NYAP2: variants seen among roughly 807,000 people sequenced by gnomAD.
The protein encoded by NYAP2 is neuronal tyrosine-phosphorylated phosphoinositide-3-kinase adaptor 2.
NYAP2 carries 23 observed loss-of-function variants against 50.4 expected under a neutral mutation model. The ratio of observed to expected loss-of-function variants is 0.46; its 90% CI spans 0.33 to 0.65. The LOEUF (loss-of-function observed/expected upper bound fraction) is 0.65. NYAP2 is among the 30% of genes least tolerant of loss of function. The pLI is 0.02. For synonymous variants in NYAP2, 394 were observed against 365.2 expected, an observed-to-expected ratio of 1.08 and a Z score of -0.90; for missense variants, 885 against 861.0, an observed-to-expected ratio of 1.03 and a Z score of -0.35.
chr2:225,568,636 G>T (rs904287351), intron 4 of NYAP2, among the ~76,000 whole-genome samples: 9 of 152,200 alleles, frequency 5.9e-5, no homozygotes, highest in African/African-American at 2.2e-4. Context: ...CTAAGATCAA[G>T]ACAGACAAGG....
the NYAP2 span, among the ~76,000 whole-genome samples, chr2:225,660,883 G>C: frequency 1.3e-5 from 2 of 151,922 alleles, no homozygotes; most frequent in Admixed American, 6.6e-5. Flanking sequence ...ATAATACTTA[G>C]GGGAAAAATG....
intron 3 of NYAP2, among the ~76,000 whole-genome samples, chr2:225,423,184 T>C (rs919309047): frequency 6.6e-6 from 1 of 152,150 alleles, no homozygotes; most frequent in Admixed American, 6.5e-5. Flanking sequence ...AGTTATATGA[T>C]TGCATTAAAG....
At chr2:225,463,391 C>T (rs867712805) in intron 3 of NYAP2, among the ~76,000 whole-genome samples, 2 of 152,228 alleles carry the variant, frequency 1.3e-5, no homozygotes, top group East Asian at 1.9e-4. Flanking sequence ...TGTGTTTTCT[C>T]GTATTTGTAA....
intron 5 of NYAP2, among the ~76,000 whole-genome samples, chr2:225,591,118 G>T (rs556283128): frequency 1.3e-5 from 2 of 152,174 alleles, no homozygotes; most frequent in African/African-American, 4.8e-5. Flanking sequence ...AGAGCATGGC[G>T]GGCCCTCCAG....
chr2:225,458,171 C>G (rs1387767640), intron 3 of NYAP2, among the ~76,000 whole-genome samples: 1 of 151,884 alleles, frequency 6.6e-6, no homozygotes, highest in African/African-American at 2.4e-5. Flanking sequence ...TAAAATGAAT[C>G]TCTTTTGTAT....
intron 5 of NYAP2, among the ~76,000 whole-genome samples, chr2:225,606,048 A>G (rs560995719): frequency 6.6e-6 from 1 of 152,282 alleles, no homozygotes; most frequent in African/African-American, 2.4e-5. Flanking sequence ...CAAGAACAGG[A>G]ACATCTAATA....
At chr2:225,476,833 AT>A (rs1226780493) in intron 3 of NYAP2, among the ~76,000 whole-genome samples, 2 of 152,214 alleles carry the variant, frequency 1.3e-5, no homozygotes, top group African/African-American at 4.8e-5. Context: ...GAATATAATA[AT>A]TATAAAGTGA....
intron 3 of NYAP2, among the ~76,000 whole-genome samples, chr2:225,483,680 C>T (rs546268200): frequency 8.5e-5 from 13 of 152,160 alleles, no homozygotes; most frequent in Admixed American, 4.6e-4. Flanking sequence ...AATATTTGTT[C>T]GTTTTCAGTT....
intron 3 of NYAP2, among the ~76,000 whole-genome samples, chr2:225,411,391 G>A (rs1032302416): frequency 6.6e-6 from 1 of 152,110 alleles, no homozygotes; most frequent in Non-Finnish European, 1.5e-5. Flanking sequence ...AGACTAAAAG[G>A]GGAGCAGGTT....
chr2:225,615,549 C>A (rs952426067), intron 5 of NYAP2, among the ~76,000 whole-genome samples: 20 of 152,104 alleles, frequency 1.3e-4, no homozygotes, highest in African/African-American at 4.6e-4. Context: ...TTATTATTTG[C>A]AACTATTTTA....
chr2:225,413,749 A>C (rs954895020), intron 3 of NYAP2, among the ~76,000 whole-genome samples: 1 of 152,174 alleles, frequency 6.6e-6, no homozygotes, highest in African/African-American at 2.4e-5. Flanking sequence ...AGAGAATTCA[A>C]TGAGGCTTTA....
At chr2:225,463,901 C>CA (rs144669128) in intron 3 of NYAP2, among the ~76,000 whole-genome samples, 21,552 of 152,102 alleles carry the variant, frequency 0.14, 2,342 homozygotes, top group African/African-American at 0.31. Flanking sequence ...ATCCTGGTTA[C>CA]CCTCTGGAGC....
intron 6 of NYAP2, among the ~76,000 whole-genome samples, chr2:225,639,874 A>C (rs1203825410): frequency 6.6e-6 from 1 of 152,134 alleles, no homozygotes; most frequent in Non-Finnish European, 1.5e-5. Flanking sequence ...TGAGCTCTCA[A>C]GGTGAGTTAG....
intron 3 of NYAP2, among the ~76,000 whole-genome samples, chr2:225,414,124 A>G (rs540933703): frequency 6.6e-6 from 1 of 152,300 alleles, no homozygotes; most frequent in African/African-American, 2.4e-5. Context: ...TCTGAGCCCA[A>G]TTCCTTATTT....
the NYAP2 span, among the ~76,000 whole-genome samples, chr2:225,681,297 C>A: frequency 6.6e-6 from 1 of 152,100 alleles, no homozygotes; most frequent in Admixed American, 6.6e-5. Flanking sequence ...ATCTGTCTAT[C>A]CTAAGAGAGA....
At position 225,582,368 on chromosome 2, in the gene NYAP2, G is replaced by A. The variant is rs1692294650; in HGVS notation, c.951G>A (p.Gly317=). The change falls in exon 5 of 7, where the codon GGG becomes GGA. Residue 317 remains glycine, a synonymous_variant. Transcript: ENST00000636099. This position sits in a 1 kb window ranked among gnomAD's most constrained non-coding sequence, Gnocchi z 7.0. ...CCTCAGTGCCATGCCCCCCCAAGGG[G>A]CTGCTTTGCGACATCCCTCCGCCCT... 1.9e-6 allele frequency: 3 copies of A among 1,612,250 alleles called. No homozygotes were observed. Among genetic ancestry groups the A allele is most frequent in the Non-Finnish European group, 1.7e-6 (2 of 1,178,598 alleles).
the NYAP2 span, among the ~76,000 whole-genome samples, chr2:225,675,381 G>A: frequency 4.6e-5 from 7 of 152,050 alleles, no homozygotes; most frequent in Admixed American, 6.6e-5. Flanking sequence ...CGACTTATAA[G>A]TGAGAACATG....
intron 6 of NYAP2, 68 bp downstream of exon 6, chr2:225,627,194 C>G (rs1693225913): frequency 8.6e-7 from 1 of 1,163,734 alleles, no homozygotes; most frequent in Admixed American, 2.0e-5. Flanking sequence ...CATGCAATAT[C>G]ACTTACAGAA....
chr2:225,425,017 T>A (rs922323625), intron 3 of NYAP2, among the ~76,000 whole-genome samples: 1 of 152,200 alleles, frequency 6.6e-6, no homozygotes, highest in Non-Finnish European at 1.5e-5. Flanking sequence ...AAACATTGGT[T>A]TTCTAGAAGC....
Sources: allele counts gnomAD v4.1 joint callset (sites outside exome capture counted in the v4.1 genomes callset), GRCh38; gene constraint gnomAD v4.1.1; non-coding constraint Gnocchi (gnomAD v3.1); transcripts MANE v1.5; gene names NCBI Gene and HGNC (gene_info 2026-07-23, HGNC 2026-07-21).